MAGI3: variants seen among roughly 807,000 people sequenced by gnomAD.
MAGI3 encodes membrane associated guanylate kinase, WW and PDZ domain containing 3.
MAGI3 carries 43 observed loss-of-function variants against 121.8 expected under a neutral mutation model. The observed-to-expected ratio is 0.35, with a 90% CI of 0.28 to 0.46. The LOEUF is 0.46. Ranked by LOEUF, MAGI3 falls within the 20% of genes least tolerant of loss-of-function variation. The pLI is 1.00. For synonymous variants in MAGI3, 553 were observed against 639.3 expected (o/e 0.86, Z 2.04); for missense variants, 1,547 against 1,797.3 (o/e 0.86, Z 2.52).
intron 19 of MAGI3, among the ~76,000 whole-genome samples, chr1:113,679,071 T>G (rs1648047318): frequency 6.6e-6 from 1 of 152,330 alleles, no homozygotes; most frequent in South Asian, 2.1e-4. Context: ...TATCCTTCAT[T>G]TTACATGTCA....
chr1:113,611,376 C>G (rs1650126638), intron 6 of MAGI3, among the ~76,000 whole-genome samples: 1 of 152,116 alleles, frequency 6.6e-6, no homozygotes, highest in Admixed American at 6.5e-5. Context: ...GCGTGAGTCA[C>G]CGTGCCGGCC....
At chr1:113,570,234 T>G (rs1647224834) in intron 2 of MAGI3, among the ~76,000 whole-genome samples, 1 of 152,240 alleles carries the variant, frequency 6.6e-6, no homozygotes, top group South Asian at 2.1e-4. Context: ...TCCCTTTTTA[T>G]GGCTGGATAG....
chr1:113,397,185 GAT>G (rs1651159389), intron 1 of MAGI3, among the ~76,000 whole-genome samples: 1 of 152,046 alleles, frequency 6.6e-6, no homozygotes, highest in Admixed American at 6.5e-5. Flanking sequence ...GCATTAAAAA[GAT>G]ATGTTTTACA....
intron 3 of MAGI3, among the ~76,000 whole-genome samples, chr1:113,583,333 T>A (rs914005028): frequency 1.3e-4 from 19 of 149,748 alleles, no homozygotes; most frequent in Admixed American, 2.7e-4. Context: ...AATTTTTTTT[T>A]AATCTGAGCC....
intron 1 of MAGI3, among the ~76,000 whole-genome samples, chr1:113,459,108 C>T (rs1477016491): frequency 6.6e-6 from 1 of 152,084 alleles, no homozygotes; most frequent in Non-Finnish European, 1.5e-5. Flanking sequence ...TTAATATGTT[C>T]TGGGTTTATC....
chr1:113,433,131 A>G (rs1177817281), intron 1 of MAGI3, among the ~76,000 whole-genome samples: 2 of 152,120 alleles, frequency 1.3e-5, no homozygotes, highest in Non-Finnish European at 2.9e-5. Context: ...GGTAAGCATA[A>G]TTTCCTCTAT....
chr1:113,542,300 A>T (rs934820624), intron 1 of MAGI3, among the ~76,000 whole-genome samples: 2 of 151,810 alleles, frequency 1.3e-5, no homozygotes, highest in African/African-American at 4.8e-5. Context: ...CAGCAGGACA[A>T]AGGGATGACT....
At position 113,422,114 on chromosome 1, in the gene MAGI3, A is replaced by G. The variant is rs900291137; in HGVS notation, c.316+30765A>G. Among the ~76,000 whole-genome samples the G allele has an allele frequency of 6.6e-6, 1 of 152,102 alleles. No individual in the cohort carries two copies. The highest frequency in any genetic ancestry group is 1.5e-5 in the Non-Finnish European group (1 of 68,006). Reference sequence around the variant, plus strand: ...AGATAGCAATTCTTGTTTTTTATTTAATTGGAACTTTTATTGAGCTAACTA... The same window carrying G: ...AGATAGCAATTCTTGTTTTTTATTTGATTGGAACTTTTATTGAGCTAACTA... On this transcript the variant is annotated intron_variant, in intron 1 of 20. Coordinates refer to ENST00000307546, the MANE Select transcript of MAGI3 (RefSeq NM_001142782.2). The surrounding 1 kb of genome is among the most constrained non-coding windows in gnomAD (Gnocchi z 4.3).
At chr1:113,597,369 G>A (rs1217225) in intron 6 of MAGI3, among the ~76,000 whole-genome samples, 75,055 of 152,018 alleles carry the variant, frequency 0.49, 19,381 homozygotes, top group African/African-American at 0.64. Context: ...TTATGAAGAC[G>A]TTTTAAAACT....
At chr1:113,616,977 G>T (rs1650512347) in intron 7 of MAGI3, among the ~76,000 whole-genome samples, 1 of 148,008 alleles carries the variant, frequency 6.8e-6, no homozygotes, top group African/African-American at 2.5e-5. Flanking sequence ...TCCGCCTTCT[G>T]CCTCCCAGGT....
At chr1:113,661,894 A>C (rs1653802562) in intron 16 of MAGI3, among the ~76,000 whole-genome samples, 1 of 152,198 alleles carries the variant, frequency 6.6e-6, no homozygotes. Flanking sequence ...CTATGAAAAC[A>C]TCCAGAATCT....
At chr1:113,636,055 G>A (rs544242294) in intron 9 of MAGI3, among the ~76,000 whole-genome samples, 8 of 152,234 alleles carry the variant, frequency 5.3e-5, no homozygotes, top group Admixed American at 4.6e-4. Flanking sequence ...TTGTATTTCT[G>A]TGGGATCGGT....
intron 13 of MAGI3, among the ~76,000 whole-genome samples, chr1:113,650,721 G>A (rs1653113071): frequency 6.6e-6 from 1 of 152,200 alleles, no homozygotes; most frequent in African/African-American, 2.4e-5. Flanking sequence ...TTGTTTCATT[G>A]TAATGATAGG....
At chr1:113,402,104 G>A (rs942689499) in intron 1 of MAGI3, among the ~76,000 whole-genome samples, 1 of 152,140 alleles carries the variant, frequency 6.6e-6, no homozygotes, top group African/African-American at 2.4e-5. Flanking sequence ...AGATTGTTTA[G>A]TTCCTTTCAT....
At position 113,549,593 on chromosome 1, in the gene MAGI3, A is replaced by G. The variant is rs765110024; in HGVS notation, c.395A>G (p.Gln132Arg). 9 of 1,608,412 alleles carry G rather than the reference A, an allele frequency of 5.6e-6. No homozygotes were observed. Among genetic ancestry groups the G allele is most frequent in the Non-Finnish European group, 6.8e-6 (8 of 1,176,394 alleles). Residue 132 changes from glutamine to arginine, a missense_variant, in exon 2 of 21, where the codon CAA becomes CGA. Physicochemically the swap from Gln to Arg is conservative, Grantham distance 43 (BLOSUM62 1). Coordinates refer to ENST00000307546, the MANE Select transcript of MAGI3 (RefSeq NM_001142782.2). ...GGATCAATTGACCACAAACTGCAGC[A>G]AGTGATCAGAGATAATCTCTACTTG... ...QKGSIDHKLQ[Q>R]VIRDNLYLRT... is the part of the protein sequence containing the mutation.
chr1:113,618,722 T>A (rs41283510), intron 7 of MAGI3: 15 of 267,900 alleles, frequency 5.6e-5, no homozygotes, highest in Middle Eastern at 1.4e-3. Flanking sequence ...GCCAGGATGG[T>A]CTCTATCTCT....
chr1:113,548,850 AG>A (rs1659648479), intron 1 of MAGI3, among the ~76,000 whole-genome samples: 1 of 152,240 alleles, frequency 6.6e-6, no homozygotes, highest in African/African-American at 2.4e-5. Flanking sequence ...GGCTTAGATT[AG>A]GGTGGTGGCA....
chr1:113,665,806 G>A (rs1016260926), intron 16 of MAGI3, among the ~76,000 whole-genome samples: 1 of 151,928 alleles, frequency 6.6e-6, no homozygotes, highest in Non-Finnish European at 1.5e-5. Context: ...TTTAACTGTG[G>A]ATTTTGTTTT....
At chr1:113,672,554 G>A (rs1647620584) in intron 17 of MAGI3, 61 bp from the exon 18 acceptor site, 5 of 1,557,044 alleles carry the variant, frequency 3.2e-6, no homozygotes, top group Non-Finnish European at 4.3e-6. Flanking sequence ...AAATTAATCT[G>A]CCTTTAGACT....
Sources: gnomAD v4.1 joint callset for allele counts (sites outside exome capture counted in the v4.1 genomes callset) on GRCh38, gnomAD v4.1.1 for gene constraint, Gnocchi (gnomAD v3.1) non-coding constraint, MANE v1.5 for transcripts, NCBI Gene and HGNC (gene_info 2026-07-23, HGNC 2026-07-21) for gene names.